The following MACROD2 variants were observed in gnomAD, a reference collection of about 807,000 sequenced individuals.
MACROD2 encodes the protein ADP-ribose glycohydrolase MACROD2.
MACROD2 carries 36 observed loss-of-function variants against 70.4 expected under a neutral mutation model. The observed-to-expected ratio is 0.51, with a 90% confidence interval of 0.39 to 0.68. The LOEUF is 0.68. Ranked by LOEUF, MACROD2 falls within the 30% of genes least tolerant of loss-of-function variation. The probability of loss-of-function intolerance (pLI) is 0.00; values close to 1 mark genes in which losing one functional copy is unlikely to be tolerated. For missense variants in MACROD2, 496 were observed against 538.4 expected (o/e 0.92, Z 0.78); for synonymous variants, 172 against 178.8 (o/e 0.96, Z 0.30).
chr20:14,407,298 C>G (rs1423928462), intron 3 of MACROD2, among the ~76,000 whole-genome samples: 1 of 151,984 alleles, frequency 6.6e-6, no homozygotes, highest in Non-Finnish European at 1.5e-5. Flanking sequence ...TTCCTTTCCT[C>G]TCCCTCCCCC....
chr20:14,907,237 G>T (rs2073969908), intron 5 of MACROD2, among the ~76,000 whole-genome samples: 1 of 152,210 alleles, frequency 6.6e-6, no homozygotes, highest in African/African-American at 2.4e-5. Flanking sequence ...ACAATTGAAA[G>T]TAGGTATGAA....
At chr20:14,485,050 A>G in intron 3 of MACROD2, among the ~76,000 whole-genome samples, 1 of 151,858 alleles carries the variant, frequency 6.6e-6, no homozygotes, top group East Asian at 1.9e-4. Flanking sequence ...AAATCTCTAA[A>G]CTGTTTTCCC....
chr20:15,774,877 T>G (rs1056121142), intron 8 of MACROD2, among the ~76,000 whole-genome samples: 1 of 152,290 alleles, frequency 6.6e-6, no homozygotes, highest in African/African-American at 2.4e-5. Flanking sequence ...AGATTGAATT[T>G]GGATTTGATC....
intron 13 of MACROD2, among the ~76,000 whole-genome samples, chr20:15,974,826 G>T (rs907896329): frequency 6.6e-6 from 1 of 152,010 alleles, no homozygotes; most frequent in South Asian, 2.1e-4. Context: ...GACACAGGAT[G>T]GTATGCATAT....
intron 3 of MACROD2, among the ~76,000 whole-genome samples, chr20:14,160,709 T>G (rs2055173261): frequency 6.6e-6 from 1 of 152,102 alleles, no homozygotes; most frequent in African/African-American, 2.4e-5. Context: ...GTTTTTTAGT[T>G]TCTGTTTAAG....
chr20:15,884,701 T>C (rs569899830), intron 9 of MACROD2, among the ~76,000 whole-genome samples: 2 of 152,118 alleles, frequency 1.3e-5, no homozygotes, highest in South Asian at 2.1e-4. Context: ...GGACCAAACA[T>C]AGAAACAGGA....
At chr20:15,770,089 C>CTTTTTT (rs1156897064) in intron 8 of MACROD2, among the ~76,000 whole-genome samples, 4 of 44,394 alleles carry the variant, frequency 9.0e-5, no homozygotes, top group Non-Finnish European at 1.6e-4. Context: ...TTTTAATTTT[C>CTTTTTT]TTTTTTTTTT....
At chr20:15,385,785 G>T (rs781157543) in intron 6 of MACROD2, among the ~76,000 whole-genome samples, 1 of 152,030 alleles carries the variant, frequency 6.6e-6, no homozygotes, top group East Asian at 1.9e-4. Flanking sequence ...AGCCAACTTC[G>T]TTCTGAATCT....
chr20:14,900,692 T>C (rs1471052345), intron 5 of MACROD2, among the ~76,000 whole-genome samples: 1 of 152,048 alleles, frequency 6.6e-6, no homozygotes, highest in Non-Finnish European at 1.5e-5. Flanking sequence ...TTGAGCCCTT[T>C]TTTTTTCTTT....
At chr20:14,837,877 T>G (rs1001630176) in intron 5 of MACROD2, among the ~76,000 whole-genome samples, 1 of 151,890 alleles carries the variant, frequency 6.6e-6, no homozygotes, top group Non-Finnish European at 1.5e-5. Flanking sequence ...TAGATTTTTT[T>G]TTTTCAATGA....
chr20:14,066,702 A>C (rs1484001353), intron 2 of MACROD2, among the ~76,000 whole-genome samples: 1 of 152,116 alleles, frequency 6.6e-6, no homozygotes, highest in Non-Finnish European at 1.5e-5. Context: ...TGTTCATTGC[A>C]GTCTATCAAG....
intron 3 of MACROD2, among the ~76,000 whole-genome samples, chr20:14,402,218 T>A (rs1407618777): frequency 6.6e-6 from 1 of 152,154 alleles, no homozygotes; most frequent in Admixed American, 6.6e-5. Context: ...GAGCAGTGGC[T>A]TTTTTGTGTT....
intron 5 of MACROD2, among the ~76,000 whole-genome samples, chr20:14,904,462 T>C (rs2073934597): frequency 6.6e-6 from 1 of 152,034 alleles, no homozygotes; most frequent in African/African-American, 2.4e-5. Flanking sequence ...TAAAAATATA[T>C]AGGTGGGTAC....
At chr20:14,060,760 T>C (rs900439766) in intron 2 of MACROD2, among the ~76,000 whole-genome samples, 1 of 152,218 alleles carries the variant, frequency 6.6e-6, no homozygotes, top group South Asian at 2.1e-4. Flanking sequence ...TTTAACAGTA[T>C]TTCAGATGTG....
At chr20:15,710,819 TA>T (rs2050615509) in intron 8 of MACROD2, among the ~76,000 whole-genome samples, 1 of 152,228 alleles carries the variant, frequency 6.6e-6, no homozygotes, top group South Asian at 2.1e-4. Flanking sequence ...GGTTTCTAAG[TA>T]GCCTCCAGTC....
At chr20:14,137,460 A>G (rs565036473) in intron 3 of MACROD2, among the ~76,000 whole-genome samples, 3 of 152,306 alleles carry the variant, frequency 2.0e-5, no homozygotes, top group African/African-American at 7.2e-5. Context: ...TCCCTTTAGC[A>G]TTTGTTGTAA....
At chr20:15,492,333 T>G (rs1252086956) in intron 7 of MACROD2, among the ~76,000 whole-genome samples, 1 of 138,364 alleles carries the variant, frequency 7.2e-6, no homozygotes, top group African/African-American at 2.7e-5. Context: ...TATTGCCCAG[T>G]ACCTGCCATC....
At chr20:15,034,538 AT>A (rs2075298658) in intron 5 of MACROD2, among the ~76,000 whole-genome samples, 2 of 152,162 alleles carry the variant, frequency 1.3e-5, no homozygotes, top group Non-Finnish European at 2.9e-5. Flanking sequence ...GGGATTTATA[AT>A]AGAAAGTACA....
chr20:14,768,804 G>C lies in MACROD2; in HGVS notation c.418+83845G>C, dbSNP rs1222252751. On this transcript the variant is annotated intron_variant, in intron 5 of 17. Coordinates refer to ENST00000684519, the MANE Select transcript of MACROD2 (RefSeq NM_001351661.2). Reference sequence around the variant, plus strand: ...GCTAATCCTTTGCTCTTTTAAGAGAGTGTTTGATTGCACATATTCCTGAGT... The same window carrying C: ...GCTAATCCTTTGCTCTTTTAAGAGACTGTTTGATTGCACATATTCCTGAGT... Among the ~76,000 whole-genome samples the C allele has an allele frequency of 2.0e-5, 3 of 152,186 alleles. No individual in the cohort carries two copies. The South Asian group carries it at 6.2e-4, about 32-fold the overall frequency.
Sources: allele counts gnomAD v4.1 joint callset (sites outside exome capture counted in the v4.1 genomes callset), GRCh38; gene constraint gnomAD v4.1.1; transcripts MANE v1.5; gene names NCBI Gene and HGNC (gene_info 2026-07-23, HGNC 2026-07-21).